The following GRM8 variants were observed in gnomAD, a reference collection of about 807,000 sequenced individuals.
GRM8 encodes the protein glutamate metabotropic receptor 8.
GRM8 carries 47 observed loss-of-function variants against 87.2 expected under a neutral mutation model. That is an observed-to-expected ratio of 0.54 (90% confidence interval 0.43 to 0.69). The LOEUF is 0.69. Ranked by LOEUF, GRM8 falls within the 30% of genes least tolerant of loss-of-function variation. GRM8 has a pLI of 0.00. For missense variants in GRM8, 1,019 were observed against 1,139.2 expected, an observed-to-expected ratio of 0.89 and a Z score of 1.52; for synonymous variants, 396 against 404.5, an observed-to-expected ratio of 0.98 and a Z score of 0.25.
chr7:127,250,356 A>G (rs748518791), intron 1 of GRM8, among the ~76,000 whole-genome samples: 7 of 152,216 alleles, frequency 4.6e-5, no homozygotes, highest in Non-Finnish European at 7.3e-5. Context: ...TAACTTTCGA[A>G]CGGTGCATAA....
intron 8 of GRM8, among the ~76,000 whole-genome samples, chr7:126,588,447 A>G (rs34231065): frequency 7.0e-4 from 107 of 152,356 alleles, no homozygotes; most frequent in South Asian, 1.9e-3. Flanking sequence ...CAATCTCATT[A>G]CTGGACATAT....
At chr7:126,763,470 T>TATAC (rs1554483398) in intron 7 of GRM8, among the ~76,000 whole-genome samples, 4 of 45,838 alleles carry the variant, frequency 8.7e-5, no homozygotes, top group Admixed American at 2.6e-4. Flanking sequence ...TATATATATA[T>TATAC]ATACACACAC....
At chr7:126,995,911 G>A (rs1813135209) in intron 3 of GRM8, among the ~76,000 whole-genome samples, 1 of 151,820 alleles carries the variant, frequency 6.6e-6, no homozygotes, top group Non-Finnish European at 1.5e-5. Context: ...CTACCTAAAG[G>A]CATTTAATAA....
intron 2 of GRM8, among the ~76,000 whole-genome samples, chr7:127,230,376 C>T (rs1797609429): frequency 1.3e-5 from 2 of 152,014 alleles, no homozygotes; most frequent in African/African-American, 4.8e-5. Context: ...TACTTCCACC[C>T]CCACATAGCT....
At chr7:127,237,369 G>A (rs957604506) in intron 2 of GRM8, among the ~76,000 whole-genome samples, 3 of 152,260 alleles carry the variant, frequency 2.0e-5, no homozygotes, top group Admixed American at 6.5e-5. Flanking sequence ...AGATGAGCCC[G>A]GATATGGCAG....
chr7:127,101,038 T>C (rs571783250), intron 3 of GRM8, among the ~76,000 whole-genome samples: 1 of 152,326 alleles, frequency 6.6e-6, no homozygotes, highest in South Asian at 2.1e-4. Flanking sequence ...TAAAGTTTAC[T>C]GTGTTCATTT....
At chr7:127,109,360 T>G (rs1826133631) in intron 2 of GRM8, among the ~76,000 whole-genome samples, 1 of 152,194 alleles carries the variant, frequency 6.6e-6, no homozygotes, top group African/African-American at 2.4e-5. Flanking sequence ...AAGCCTCTGT[T>G]AACTCCCATG....
chr7:127,080,433 A>G (rs1363902942), intron 3 of GRM8, among the ~76,000 whole-genome samples: 3 of 152,210 alleles, frequency 2.0e-5, no homozygotes, highest in African/African-American at 7.2e-5. Flanking sequence ...GGTCATCTGT[A>G]ATAGCAGCAT....
chr7:126,830,157 T>C (rs1438064226), intron 6 of GRM8, among the ~76,000 whole-genome samples: 5 of 152,186 alleles, frequency 3.3e-5, no homozygotes, highest in South Asian at 2.1e-4. Flanking sequence ...ATTTCAACTT[T>C]GGTGAATCTG....
intron 8 of GRM8, among the ~76,000 whole-genome samples, chr7:126,572,928 T>C (rs1794804420): frequency 6.6e-6 from 1 of 151,900 alleles, no homozygotes; most frequent in Admixed American, 6.6e-5. Flanking sequence ...ACAGAGAGAA[T>C]GCATAACCAC....
intron 3 of GRM8, among the ~76,000 whole-genome samples, chr7:126,977,717 T>C (rs1485529623): frequency 6.6e-6 from 1 of 152,204 alleles, no homozygotes; most frequent in Non-Finnish European, 1.5e-5. Flanking sequence ...ATCAACCTAG[T>C]TCTAAATCTC....
At chr7:126,558,215 C>T (rs1793349492) in intron 8 of GRM8, among the ~76,000 whole-genome samples, 1 of 152,076 alleles carries the variant, frequency 6.6e-6, no homozygotes, top group South Asian at 2.1e-4. Flanking sequence ...CAGTGAAGAG[C>T]AAAAATGGCT....
At chr7:126,655,467 G>T (rs1005662865) in intron 7 of GRM8, among the ~76,000 whole-genome samples, 6 of 127,224 alleles carry the variant, frequency 4.7e-5, no homozygotes, top group African/African-American at 1.6e-4. Context: ...TTGCATTATG[G>T]TCTTTCTCTC....
chr7:126,469,809 T>A (rs74946723), intron 9 of GRM8, among the ~76,000 whole-genome samples: 1 of 152,082 alleles, frequency 6.6e-6, no homozygotes, highest in Admixed American at 6.6e-5. Flanking sequence ...ATACAGTAAA[T>A]TGGTACTGGT....
intron 7 of GRM8, among the ~76,000 whole-genome samples, chr7:126,661,645 G>A (rs1357265333): frequency 6.6e-6 from 1 of 152,156 alleles, no homozygotes; most frequent in African/African-American, 2.4e-5. Flanking sequence ...CTTCCTTGTA[G>A]TGCCTCTGCA....
intron 7 of GRM8, among the ~76,000 whole-genome samples, chr7:126,684,877 G>A (rs182125106): frequency 1.3e-5 from 2 of 152,334 alleles, no homozygotes; most frequent in Admixed American, 1.3e-4. Flanking sequence ...ACCTTCCACA[G>A]TGTGATCTCA....
intron 7 of GRM8, among the ~76,000 whole-genome samples, chr7:126,662,210 T>G (rs1805251521): frequency 6.6e-6 from 1 of 152,210 alleles, no homozygotes; most frequent in Admixed American, 6.5e-5. Context: ...GTATAAATTA[T>G]GCTGAAGATA....
intron 2 of GRM8, among the ~76,000 whole-genome samples, chr7:127,217,100 T>C (rs2299554): frequency 0.054 from 8,174 of 152,290 alleles, 306 homozygotes; most frequent in African/African-American, 0.097. Flanking sequence ...TGCTCTGTGG[T>C]ATACATATGG....
chr7:126,475,109 T>G (rs1019780312), intron 9 of GRM8, among the ~76,000 whole-genome samples: 1 of 152,086 alleles, frequency 6.6e-6, no homozygotes, highest in Non-Finnish European at 1.5e-5. Flanking sequence ...CTATTCAACA[T>G]AGTATTGGGA....
Sources: allele counts gnomAD v4.1 joint callset (sites outside exome capture counted in the v4.1 genomes callset), GRCh38; gene constraint gnomAD v4.1.1; transcripts MANE v1.5; gene names NCBI Gene and HGNC (gene_info 2026-07-23, HGNC 2026-07-21).